The following HIVEP3 variants were observed in gnomAD, a reference collection of about 807,000 sequenced individuals.
The protein encoded by HIVEP3 is transcription factor HIVEP3.
In HIVEP3, 49 loss-of-function variants were observed where a neutral mutation model predicts 152.8. The observed-to-expected ratio is 0.32, with a 90% CI of 0.26 to 0.41. The LOEUF (loss-of-function observed/expected upper bound fraction) is 0.41. Ranked by LOEUF, HIVEP3 falls within the 10% of genes least tolerant of loss-of-function variation. The probability of loss-of-function intolerance (pLI) is 1.00; values close to 1 mark genes in which losing one functional copy is unlikely to be tolerated. For missense variants in HIVEP3, 2,790 were observed against 3,103.3 expected (o/e 0.90, Z 2.40); for synonymous variants, 1,269 against 1,289.0 (o/e 0.98, Z 0.33).
chr1:41,748,908 G>A (rs1244845777), intron 1 of HIVEP3, among the ~76,000 whole-genome samples: 1 of 152,190 alleles, frequency 6.6e-6, no homozygotes, highest in Admixed American at 6.5e-5. Context: ...TCTCAGGGGA[G>A]CAGTGCACAC....
chr1:41,872,386 T>C (rs1350877836), intron 1 of HIVEP3, among the ~76,000 whole-genome samples: 1 of 152,254 alleles, frequency 6.6e-6, no homozygotes, highest in Non-Finnish European at 1.5e-5. Flanking sequence ...CCACAGGGAT[T>C]GGCCAAGACC....
At chr1:41,838,820 A>T (rs766733227) in intron 1 of HIVEP3, among the ~76,000 whole-genome samples, 1 of 152,168 alleles carries the variant, frequency 6.6e-6, no homozygotes, top group Non-Finnish European at 1.5e-5. Context: ...GAAGGGTAAT[A>T]TGCACAATTT....
chr1:41,583,200 G>T lies in HIVEP3; in HGVS notation c.1598C>A (p.Pro533His), dbSNP rs374942605. ...GTGGCTTCTCAGGAGAGGCACAGGG[G>T]GGGCGGTACTGGGCGGGTGCTGGAG... ...LSLQHPPSTA[P>H]PVPLLRSHSM... is the part of the protein sequence containing the mutation. The change falls in exon 4 of 9, where the codon CCC (proline) becomes CAC (histidine). Residue 533 changes from proline to histidine, a missense_variant. Physicochemically the swap from Pro to His is moderately conservative, Grantham distance 77. Around this residue, in one of 9 missense-constraint regions of HIVEP3, gnomAD observed 339 missense variants for 327.0 expected, o/e 1.04. Transcript: ENST00000372583. This position sits in a 1 kb window ranked among gnomAD's most constrained non-coding sequence, Gnocchi z 6.9. The T allele has an allele frequency of 5.2e-5, 84 of 1,611,132 alleles. No homozygotes were observed. Among genetic ancestry groups the T allele is most frequent in the Admixed American group, 1.0e-4 (6 of 59,938 alleles).
At chr1:41,849,297 G>A (rs982717787) in intron 1 of HIVEP3, among the ~76,000 whole-genome samples, 3 of 152,292 alleles carry the variant, frequency 2.0e-5, no homozygotes, top group Non-Finnish European at 1.5e-5. Context: ...ACAGATGCAC[G>A]CAGATATATC....
chr1:41,740,944 G>A (rs755624907), intron 1 of HIVEP3, among the ~76,000 whole-genome samples: 19 of 152,170 alleles, frequency 1.2e-4, no homozygotes, highest in Non-Finnish European at 2.5e-4. Context: ...TCCTGTGTCT[G>A]GCCAGAGGCT....
rs115067196 is a variant in HIVEP3, at chr1:42,019,224, G to A, written n.119+16583C>T. Among the ~76,000 whole-genome samples the A allele has an allele frequency of 7.5e-3, 1,138 of 151,862 alleles. 17 individuals carry two copies. The highest frequency in any genetic ancestry group is 0.026 in the African/African-American group (1,097 of 41,462). On this transcript the variant is annotated intron_variant and non_coding_transcript_variant, in intron 1 of 3. Transcript: ENST00000489103. ...CTTAATTATTGTGATGGCTTAACTC[G>A]GCCCTTTTCTTTTCCATGCAGATTT...
chr1:41,566,432 A>T (rs1186864627), intron 5 of HIVEP3, among the ~76,000 whole-genome samples: 1 of 152,124 alleles, frequency 6.6e-6, no homozygotes, highest in African/African-American at 2.4e-5. Context: ...CCTTGGCATC[A>T]TCACCTGCCC....
chr1:41,634,532 G>T (rs1169689076), intron 2 of HIVEP3, among the ~76,000 whole-genome samples: 1 of 151,438 alleles, frequency 6.6e-6, no homozygotes, highest in Non-Finnish European at 1.5e-5. Flanking sequence ...ACAATAATAT[G>T]AATAAATTAA....
chr1:42,020,031 T>A (rs1645544827), intron 1 of HIVEP3, among the ~76,000 whole-genome samples: 1 of 152,118 alleles, frequency 6.6e-6, no homozygotes, highest in South Asian at 2.1e-4. Flanking sequence ...GTTAAACTAC[T>A]CTTGAATTCC....
intron 6 of HIVEP3, among the ~76,000 whole-genome samples, chr1:41,519,105 C>T (rs1446096173): frequency 2.6e-5 from 4 of 152,146 alleles, no homozygotes. Flanking sequence ...GACTCAGGAG[C>T]CACAAGGCTG....
At chr1:41,599,664 G>A (rs1246439341) in intron 3 of HIVEP3, among the ~76,000 whole-genome samples, 6 of 152,142 alleles carry the variant, frequency 3.9e-5, no homozygotes, top group Non-Finnish European at 5.9e-5. Flanking sequence ...CATCACATTG[G>A]ATTTGGCAGT....
chr1:41,630,561 G>A (rs112423933), intron 2 of HIVEP3, among the ~76,000 whole-genome samples: 5,337 of 152,216 alleles, frequency 0.035, 325 homozygotes, highest in African/African-American at 0.12. Flanking sequence ...GGATTGGCCC[G>A]CAGCTTCCAG....
chr1:41,800,854 T>G (rs72414), intron 1 of HIVEP3, among the ~76,000 whole-genome samples: 46,578 of 152,022 alleles, frequency 0.31, 7,899 homozygotes, highest in Middle Eastern at 0.45. Context: ...CCTTCCTGCT[T>G]CTCCCATAAT....
At chr1:41,534,454 C>T (rs1309898154) in intron 5 of HIVEP3, among the ~76,000 whole-genome samples, 4 of 152,128 alleles carry the variant, frequency 2.6e-5, no homozygotes, top group Admixed American at 6.5e-5. Flanking sequence ...TCCACTCTAC[C>T]AGAAATTTGC....
At position 41,582,184 on chromosome 1, in the gene HIVEP3, C is replaced by T; in HGVS notation, c.2614G>A (p.Glu872Lys). Residue 872 changes from glutamate (E) to lysine (K), a missense_variant, in exon 4 of 9, where the codon GAG becomes AAG. Physicochemically the swap from Glu to Lys is moderately conservative, Grantham distance 56 (BLOSUM62 1). Around this residue, in one of 9 missense-constraint regions of HIVEP3, gnomAD observed 1,078 missense variants for 1,165.3 expected, o/e 0.93. Coordinates refer to ENST00000372583, the MANE Select transcript of HIVEP3 (RefSeq NM_024503.5). This position sits in a 1 kb window ranked among gnomAD's most constrained non-coding sequence, Gnocchi z 4.7. Reference sequence around the variant, plus strand: ...TTCTCAGGTTCCTTAGGGGGCGGCTCTGGCTCTGTGTCCGGCCGGTCAGGC... The same window carrying T: ...TTCTCAGGTTCCTTAGGGGGCGGCTTTGGCTCTGTGTCCGGCCGGTCAGGC... ...EEPDRPDTEPEPPPKEPEKTE... is the reference protein window; with the variant it reads ...EEPDRPDTEPKPPPKEPEKTE... 6.2e-7 allele frequency: 1 copy of T among 1,614,064 alleles called. No individual in the cohort carries two copies. The highest frequency in any genetic ancestry group is 8.5e-7 in the Non-Finnish European group (1 of 1,179,984).
intron 1 of HIVEP3, among the ~76,000 whole-genome samples, chr1:41,952,349 T>C (rs901998983): frequency 1.3e-5 from 2 of 152,212 alleles, no homozygotes; most frequent in African/African-American, 4.8e-5. Context: ...ATTATGTGAT[T>C]CCTAGTTGTC....
chr1:41,821,385 C>T (rs958207192), intron 1 of HIVEP3, among the ~76,000 whole-genome samples: 1 of 152,292 alleles, frequency 6.6e-6, no homozygotes, highest in Non-Finnish European at 1.5e-5. Flanking sequence ...TTCTCAAATG[C>T]CATCCTCTAT....
At chr1:41,568,507 G>C (rs1042637083) in intron 5 of HIVEP3, among the ~76,000 whole-genome samples, 2 of 152,222 alleles carry the variant, frequency 1.3e-5, no homozygotes, top group Non-Finnish European at 2.9e-5. Flanking sequence ...GGAGCGGCAG[G>C]GTGTGTGGAC....
intron 5 of HIVEP3, among the ~76,000 whole-genome samples, chr1:41,564,192 AAACAAC>A (rs150283157): frequency 0.2 from 30,450 of 151,858 alleles, 3,329 homozygotes; most frequent in Non-Finnish European, 0.27. Flanking sequence ...ACTCCATCTC[AAACAAC>A]AACAACAACA....
Sources: gnomAD v4.1 joint callset for allele counts (sites outside exome capture counted in the v4.1 genomes callset) on GRCh38, gnomAD v4.1.1 for gene constraint, gnomAD v4.1.1 regional missense constraint, Gnocchi (gnomAD v3.1) non-coding constraint, MANE v1.5 for transcripts, NCBI Gene and HGNC (gene_info 2026-07-23, HGNC 2026-07-21) for gene names.